ITPR2: variants seen among roughly 807,000 people sequenced by gnomAD.
ITPR2 encodes inositol 1,4,5-trisphosphate-gated calcium channel ITPR2.
In ITPR2, 207 loss-of-function variants were observed where a neutral mutation model predicts 317.1. The ratio of observed to expected loss-of-function variants is 0.65; its 90% CI spans 0.58 to 0.73. The LOEUF is 0.73. Ranked by LOEUF, ITPR2 falls within the 30% of genes least tolerant of loss-of-function variation. ITPR2 has a pLI of 0.00. For synonymous variants in ITPR2, 1,156 were observed against 1,149.1 expected, an observed-to-expected ratio of 1.01 and a Z score of -0.12; for missense variants, 2,613 against 3,284.0, an observed-to-expected ratio of 0.80 and a Z score of 4.99.
intron 52 of ITPR2, among the ~76,000 whole-genome samples, chr12:26,400,506 A>G (rs1237796129): frequency 6.6e-6 from 1 of 152,176 alleles, no homozygotes; most frequent in African/African-American, 2.4e-5. Context: ...AAAAAATACC[A>G]TTACCTCCTT....
rs1382259887 is a variant in ITPR2 at position 26,831,173 on chromosome 12, A to G, written c.92+1517T>C. 3.9e-5 allele frequency among the ~76,000 whole-genome samples: 6 copies of G among 152,194 alleles called. No individual in the cohort carries two copies. Among genetic ancestry groups the G allele is most frequent in the Non-Finnish European group, 8.8e-5 (6 of 68,030 alleles). On this transcript the variant is annotated intron_variant, in intron 1 of 56. Transcript: ENST00000381340. The surrounding 1 kb of genome is among the most constrained non-coding windows in gnomAD (Gnocchi z 4.9). ...TGAACTTGTATCATGAATGATCTCA[A>G]AAACAGTGGTAGCTCATGATTCACA...
intron 13 of ITPR2, among the ~76,000 whole-genome samples, chr12:26,670,883 C>G (rs534003688): frequency 6.6e-6 from 1 of 152,060 alleles, no homozygotes; most frequent in Non-Finnish European, 1.5e-5. Context: ...AGCCAAGGCT[C>G]GAGAACTACC....
intron 9 of ITPR2, among the ~76,000 whole-genome samples, chr12:26,708,870 C>A (rs1948600797): frequency 6.6e-6 from 1 of 151,966 alleles, no homozygotes; most frequent in African/African-American, 2.4e-5. Flanking sequence ...CACACGTGCC[C>A]CATAAGTGTA....
In ITPR2 at chr12:26,831,977, T is replaced by A. The variant is rs1951118415; in HGVS notation, c.92+713A>T. Among the ~76,000 whole-genome samples, 1 of 151,620 alleles carries A rather than the reference T, an allele frequency of 6.6e-6. No individual in the cohort carries two copies. The highest frequency in any genetic ancestry group is 1.5e-5 in the Non-Finnish European group (1 of 67,974). On this transcript the variant is annotated intron_variant, in intron 1 of 56. Transcript: ENST00000381340. This position sits in a 1 kb window ranked among gnomAD's most constrained non-coding sequence, Gnocchi z 4.9. ...GAATCTCAAGAACTCTTCACTTGGC[T>A]AAATTCCAAGAGAGGCTCAGCATTT...
chr12:26,638,870 A>C (rs1946918294), intron 21 of ITPR2, among the ~76,000 whole-genome samples: 1 of 152,226 alleles, frequency 6.6e-6, no homozygotes. Context: ...CTTAGGGCCA[A>C]AGAAAACCAA....
chr12:26,549,283 G>C (rs1388331060), intron 37 of ITPR2, among the ~76,000 whole-genome samples: 2 of 152,184 alleles, frequency 1.3e-5, no homozygotes, highest in Non-Finnish European at 2.9e-5. Flanking sequence ...CTAATGCAAA[G>C]TAGAAGGCAT....
chr12:26,376,786 C>T (rs1939360654), intron 55 of ITPR2, among the ~76,000 whole-genome samples: 1 of 151,734 alleles, frequency 6.6e-6, no homozygotes, highest in Admixed American at 6.6e-5. Context: ...GTCACGCAGG[C>T]CTGAGTACAG....
At chr12:26,525,419 A>G (rs1170707640) in intron 37 of ITPR2, among the ~76,000 whole-genome samples, 1 of 152,182 alleles carries the variant, frequency 6.6e-6, no homozygotes, top group African/African-American at 2.4e-5. Context: ...ATCCTTTCCT[A>G]CTGGCATCTC....
At chr12:26,637,103 A>G (rs1215020323) in intron 21 of ITPR2, among the ~76,000 whole-genome samples, 1 of 152,214 alleles carries the variant, frequency 6.6e-6, no homozygotes, top group Non-Finnish European at 1.5e-5. Flanking sequence ...CTTTTATTAC[A>G]TATCATGTGC....
rs1177767302 is a variant in ITPR2 at position 26,699,424 on chromosome 12, C to T, written c.952-3774G>A. Reference sequence around the variant, plus strand: ...GAAAGGTGGCCTAATGCCCATGGAACTCAGTGTCCTCATCTGCAAAATGAG... The same window carrying T: ...GAAAGGTGGCCTAATGCCCATGGAATTCAGTGTCCTCATCTGCAAAATGAG... On this transcript the variant is annotated intron_variant, in intron 9 of 56. Transcript: ENST00000381340. Among the ~76,000 whole-genome samples, 5 of 152,162 alleles carry T rather than the reference C, an allele frequency of 3.3e-5. 1 individual carries two copies. Among genetic ancestry groups the T allele is most frequent in the Non-Finnish European group, 7.4e-5 (5 of 68,024 alleles).
At chr12:26,795,231 G>GA (rs1449276902) in intron 1 of ITPR2, among the ~76,000 whole-genome samples, 1 of 152,148 alleles carries the variant, frequency 6.6e-6, no homozygotes, top group Non-Finnish European at 1.5e-5. Context: ...TCTATTTGGG[G>GA]AAAAATGACA....
intron 37 of ITPR2, among the ~76,000 whole-genome samples, chr12:26,497,871 T>C (rs1256797319): frequency 6.6e-6 from 1 of 151,892 alleles, no homozygotes; most frequent in Non-Finnish European, 1.5e-5. Context: ...CCACCACGCC[T>C]GGCTAATTTT....
chr12:26,459,905 C>T (rs1393416339), intron 45 of ITPR2, among the ~76,000 whole-genome samples: 1 of 152,236 alleles, frequency 6.6e-6, no homozygotes, highest in Non-Finnish European at 1.5e-5. Flanking sequence ...TACCAACAGT[C>T]TAGAACTAAG....
At chr12:26,447,593 G>GT (rs1056821402) in intron 45 of ITPR2, among the ~76,000 whole-genome samples, 1 of 151,372 alleles carries the variant, frequency 6.6e-6, no homozygotes, top group Admixed American at 6.6e-5. Context: ...TTTCATCTGT[G>GT]TTTTTTTAAT....
At chr12:26,395,936 A>G (rs1253507320) in intron 54 of ITPR2, among the ~76,000 whole-genome samples, 2 of 152,230 alleles carry the variant, frequency 1.3e-5, no homozygotes, top group African/African-American at 4.8e-5. Context: ...CATACATAGT[A>G]TTCATTTTTT....
rs1361075082 is a variant in ITPR2 at position 26,338,219 on chromosome 12, C to T, written c.*1178G>A. 6.6e-6 allele frequency: 1 copy of T among 152,394 alleles called. No homozygotes were observed. The highest frequency in any genetic ancestry group is 1.5e-5 in the Non-Finnish European group (1 of 67,948). 9.4% of individuals were successfully genotyped at this position (152,394 alleles called of 1,614,324 possible). On this transcript the variant is annotated 3_prime_UTR_variant, in exon 57 of 57. Transcript: ENST00000381340. ...GTAGTCTCTAAGAATAACCTGAACA[C>T]ACCAGGTTATTCTCTCCCTCGACAA...
At chr12:26,471,624 C>T (rs1276235166) in intron 45 of ITPR2, among the ~76,000 whole-genome samples, 1 of 152,100 alleles carries the variant, frequency 6.6e-6, no homozygotes, top group Non-Finnish European at 1.5e-5. Context: ...GATGTCATGG[C>T]AGAAAAAGCA....
chr12:26,656,488 C>T lies in ITPR2; in HGVS notation c.2253G>A (p.Gln751=). 1.2e-6 allele frequency: 2 copies of T among 1,614,222 alleles called. No individual in the cohort carries two copies. Among genetic ancestry groups the T allele is most frequent in the Non-Finnish European group, 8.5e-7 (1 of 1,180,036 alleles). ...CLDRQYLAIN[Q]ISTQLSVDLI... ...GGTCTACAGACAGCTGTGTAGAAAT[C>T]TGGTTTATGGCCAGATACTGGCGAT... Residue 751 remains glutamine, a synonymous_variant, in exon 19 of 57, where the codon CAG becomes CAA. Coordinates refer to ENST00000381340, the MANE Select transcript of ITPR2 (RefSeq NM_002223.4).
intron 37 of ITPR2, among the ~76,000 whole-genome samples, chr12:26,507,863 C>CTCTGTGTGTGTGTGTG (rs372756412): frequency 1.8e-4 from 24 of 132,284 alleles, no homozygotes; most frequent in African/African-American, 6.1e-4. Context: ...CTCTCTGTCT[C>CTCTGTGTGTGTGTGTG]TGTGTGTGTG....
Sources: allele counts gnomAD v4.1 joint callset (sites outside exome capture counted in the v4.1 genomes callset), GRCh38; gene constraint gnomAD v4.1.1; non-coding constraint Gnocchi (gnomAD v3.1); transcripts MANE v1.5; gene names NCBI Gene and HGNC (gene_info 2026-07-23, HGNC 2026-07-21).